ADAMTS5: variants seen among roughly 807,000 people sequenced by gnomAD.
ADAMTS5 encodes the protein A disintegrin and metalloproteinase with thrombospondin motifs 5.
A neutral mutation model predicts 81.4 loss-of-function variants in ADAMTS5; 54 were observed. That is an observed-to-expected ratio of 0.66 (90% CI 0.53 to 0.83). ADAMTS5 has a LOEUF of 0.83. ADAMTS5 is among the 40% of genes least tolerant of loss of function. The pLI is 0.00. For synonymous variants in ADAMTS5, 532 were observed against 508.8 expected (o/e 1.05, Z -0.61); for missense variants, 1,194 against 1,229.9 (o/e 0.97, Z 0.44).
At chr21:26,927,180 G>A (rs1206699781) in intron 7 of ADAMTS5, among the ~76,000 whole-genome samples, 1 of 152,080 alleles carries the variant, frequency 6.6e-6, no homozygotes, top group African/African-American at 2.4e-5. Flanking sequence ...TTTTGTTCAG[G>A]GCTATCTGCA....
chr21:26,951,939 A>G (rs1987327312), intron 2 of ADAMTS5, among the ~76,000 whole-genome samples: 1 of 152,070 alleles, frequency 6.6e-6, no homozygotes, highest in African/African-American at 2.4e-5. Flanking sequence ...TAAACGTTGA[A>G]GGCTTATTTT....
Position 26,954,820 on chromosome 21 carries a change from T to TC in ADAMTS5, c.1155dup (p.Thr386AspfsTer13). The TC allele has an allele frequency of 6.2e-7, 1 of 1,614,008 alleles. No individual in the cohort carries two copies. Among genetic ancestry groups the TC allele is most frequent in the Non-Finnish European group, 8.5e-7 (1 of 1,179,986 alleles). On this transcript the variant is annotated frameshift_variant, in exon 2 of 8. Coordinates refer to ENST00000284987, the MANE Select transcript of ADAMTS5 (RefSeq NM_007038.5). LOFTEE classifies it high-confidence loss of function. ...CAGCTGCGCTCTGGAGAACATATGGTCCCAACGTCTGCCATTCCCAGGGTG... is the reference window on the plus strand; with the variant it reads ...CAGCTGCGCTCTGGAGAACATATGGTCCCCAACGTCTGCCATTCCCAGGGTG...
intron 3 of ADAMTS5, among the ~76,000 whole-genome samples, chr21:26,938,492 A>C (rs927107511): frequency 1.4e-4 from 21 of 152,162 alleles, no homozygotes; most frequent in African/African-American, 4.8e-4. Flanking sequence ...TTATAGCACT[A>C]TTTGTCTCTC....
intron 1 of ADAMTS5, among the ~76,000 whole-genome samples, chr21:26,964,000 C>A (rs1987584182): frequency 6.6e-6 from 1 of 152,116 alleles, no homozygotes; most frequent in Admixed American, 6.6e-5. Context: ...CCAGGGGTGC[C>A]TTAGTAAAAA....
intron 1 of ADAMTS5, among the ~76,000 whole-genome samples, chr21:26,957,175 G>A (rs557551092): frequency 5.9e-5 from 9 of 152,264 alleles, no homozygotes; most frequent in South Asian, 4.2e-4. Context: ...ACTAATGTGC[G>A]TCAAATTGTT....
chr21:26,924,174 C>T lies in ADAMTS5; in HGVS notation c.2672G>A (p.Cys891Tyr). 1.2e-6 allele frequency: 2 copies of T among 1,614,208 alleles called. No individual in the cohort carries two copies. The highest frequency in any genetic ancestry group is 1.7e-6 in the Non-Finnish European group (2 of 1,180,016). Reference protein sequence around the residue: ...TGPWLACSRTCDTGWHTRTVQ... With the variant: ...TGPWLACSRTYDTGWHTRTVQ... ...CGTTCTGGTGTGCCAACCTGTGTCA[C>T]AGGTCCTAGAGCAGGCGAGCCATGG... is the stretch of plus-strand genomic sequence containing the variant. Residue 891 changes from cysteine to tyrosine, a missense_variant, in exon 8 of 8, where the codon TGT (cysteine) becomes TAT (tyrosine). Physicochemically the swap from Cys to Tyr is radical, Grantham distance 194 (BLOSUM62 -2). Around this residue, in one of 2 missense-constraint regions of ADAMTS5, gnomAD observed 696 missense variants for 817.6 expected, o/e 0.85. Transcript: ENST00000284987.
rs546891562 is a variant in ADAMTS5, at chr21:26,924,261, A to G, written c.2585T>C (p.Val862Ala). 12 of 1,614,200 alleles carry G rather than the reference A, an allele frequency of 7.4e-6. No homozygotes were observed. The South Asian group carries it at 1.2e-4, about 16-fold the overall frequency. ...CACTTTATTGCTGCCATGACTAGTG[A>G]CAGAGTTTACTTTTGGAGTGGACTT... ...PKKSTPKVNS[V>A]TSHGSNKVGS... is the part of the protein sequence containing the mutation. The change falls in exon 8 of 8, where the codon GTC (valine) becomes GCC (alanine). Residue 862 changes from valine to alanine, a missense_variant. Transcript: ENST00000284987.
rs1157454347 is a variant in ADAMTS5 at position 26,924,192 on chromosome 21, A to C, written c.2654T>G (p.Leu885Arg). The C allele has an allele frequency of 1.2e-6, 2 of 1,614,086 alleles. No individual in the cohort carries two copies. The highest frequency in any genetic ancestry group is 4.5e-5 in the East Asian group (2 of 44,890). ...SQPQWVTGPW[L>R]ACSRTCDTGW... ...TGTGTCACAGGTCCTAGAGCAGGCG[A>C]GCCATGGGCCCGTGACCCACTGCGG... Residue 885 changes from leucine (L) to arginine (R), a missense_variant, in exon 8 of 8, where the codon CTC (leucine) becomes CGC (arginine). Physicochemically the swap from Leu to Arg is moderately radical, Grantham distance 102 (BLOSUM62 -2). This residue lies in a region of ADAMTS5 where 696 missense variants were observed against 817.6 expected (regional missense o/e 0.85). Coordinates refer to ENST00000284987, the MANE Select transcript of ADAMTS5 (RefSeq NM_007038.5).
At position 26,918,383 on chromosome 21, in the gene ADAMTS5, G is replaced by A. The variant is rs2123223917; in HGVS notation, c.*5670C>T. ...TTATACCTACTTAGGTTTATTACTT[G>A]ACTTTACTCACAGACTCTAATATAG... On this transcript the variant is annotated 3_prime_UTR_variant, in exon 8 of 8. Transcript: ENST00000284987. 6.6e-6 allele frequency: 1 copy of A among 152,432 alleles called. No individual in the cohort carries two copies. Among genetic ancestry groups the A allele is most frequent in the South Asian group, 2.1e-4 (1 of 4,816 alleles). 9.4% of individuals were successfully genotyped at this position (152,432 alleles called of 1,614,324 possible).
chr21:26,927,920 T>C (rs1358563436), intron 7 of ADAMTS5, among the ~76,000 whole-genome samples: 1 of 151,388 alleles, frequency 6.6e-6, no homozygotes. Context: ...GGATGTGGGG[T>C]GTGAGAGAAA....
chr21:26,930,360 T>G (rs1008234648), intron 6 of ADAMTS5, among the ~76,000 whole-genome samples: 5 of 152,224 alleles, frequency 3.3e-5, no homozygotes, highest in African/African-American at 1.2e-4. Flanking sequence ...CATAATACAT[T>G]CTCACTAGAA....
rs1986743000 is a variant in ADAMTS5 at position 26,923,634 on chromosome 21, T to C, written c.*419A>G. 6.3e-6 allele frequency: 1 copy of C among 158,404 alleles called. No homozygotes were observed. Among genetic ancestry groups the C allele is most frequent in the Non-Finnish European group, 1.4e-5 (1 of 71,420 alleles). 9.8% of individuals were successfully genotyped at this position (158,404 alleles called of 1,614,324 possible). On this transcript the variant is annotated 3_prime_UTR_variant, in exon 8 of 8. Coordinates refer to ENST00000284987, the MANE Select transcript of ADAMTS5 (RefSeq NM_007038.5). ...TGGATATTTTAATAGAACCAGGGGA[T>C]ATAAAGTGACATACCAAGGGAGAAT...
At position 26,930,042 on chromosome 21, in the gene ADAMTS5, C is replaced by T; in HGVS notation, c.2069G>A (p.Cys690Tyr). Reference protein sequence around the residue: ...FSPKVTDGTECRLYSNSVCVR... With the variant: ...FSPKVTDGTEYRLYSNSVCVR... ...GCAGACGGAATTACTGTACAGCCTA[C>T]ATTCAGTGCCATCGGTCACCTGAAT... Residue 690 changes from cysteine to tyrosine, a missense_variant, in exon 7 of 8, where the codon TGT (cysteine) becomes TAT (tyrosine). Physicochemically the swap from Cys to Tyr is radical, Grantham distance 194. Transcript: ENST00000284987. 6.2e-7 allele frequency: 1 copy of T among 1,613,874 alleles called. No homozygotes were observed. The highest frequency in any genetic ancestry group is 1.3e-5 in the African/African-American group (1 of 75,010).
chr21:26,936,302 A>G (rs940275322), intron 3 of ADAMTS5, among the ~76,000 whole-genome samples: 2 of 152,234 alleles, frequency 1.3e-5, no homozygotes, highest in South Asian at 4.1e-4. Flanking sequence ...CAAGATCTGC[A>G]TAATGCTTCT....
At chr21:26,932,266 G>A (rs1005766318) in intron 5 of ADAMTS5, 87 bp from the exon 6 acceptor site, 3 of 1,422,346 alleles carry the variant, frequency 2.1e-6, no homozygotes, top group Non-Finnish European at 2.8e-6. Context: ...ATTTTAAGGG[G>A]AAGATGCAAA....
intron 3 of ADAMTS5, among the ~76,000 whole-genome samples, chr21:26,938,726 C>T (rs1323275281): frequency 4.6e-5 from 7 of 152,120 alleles, no homozygotes; most frequent in East Asian, 1.9e-4. Flanking sequence ...GACTATGTTT[C>T]GCCGTGTTGG....
intron 1 of ADAMTS5, among the ~76,000 whole-genome samples, chr21:26,955,613 T>C (rs527562412): frequency 1.3e-5 from 2 of 152,202 alleles, no homozygotes; most frequent in East Asian, 3.9e-4. Flanking sequence ...CCAATAATGG[T>C]GAAAAATGAT....
chr21:26,963,879 C>T (rs1216044093), intron 1 of ADAMTS5, among the ~76,000 whole-genome samples: 2 of 152,036 alleles, frequency 1.3e-5, no homozygotes, highest in East Asian at 1.9e-4. Flanking sequence ...CTTGGCTCTC[C>T]CTAAACTGCC....
intron 6 of ADAMTS5, 113 bp from the exon 7 acceptor site, chr21:26,930,174 T>G: frequency 1.1e-6 from 1 of 890,402 alleles, no homozygotes; most frequent in Non-Finnish European, 1.6e-6. Flanking sequence ...GTATGGACAG[T>G]CCATTGAAAA....
Sources: gnomAD v4.1 joint callset for allele counts (sites outside exome capture counted in the v4.1 genomes callset) on GRCh38, gnomAD v4.1.1 for gene constraint, gnomAD v4.1.1 regional missense constraint, MANE v1.5 for transcripts, NCBI Gene and HGNC (gene_info 2026-07-23, HGNC 2026-07-21) for gene names.